Variants in KMT5B observed in about 807,000 individuals in gnomAD.
KMT5B encodes the protein lysine methyltransferase 5B.
A neutral mutation model predicts 83.2 loss-of-function variants in KMT5B; 10 were observed. That is an observed-to-expected ratio of 0.12 (90% CI 0.07 to 0.20). KMT5B has a LOEUF of 0.20. Among genes scored for constraint, KMT5B ranks in the 10% least tolerant of loss-of-function variants. The pLI, the probability that KMT5B is intolerant of heterozygous loss-of-function variation, is 1.00. For synonymous variants in KMT5B, 349 were observed against 388.8 expected (o/e 0.90, Z 1.20); for missense variants, 753 against 1,067.2 (o/e 0.71, Z 4.10).
At chr11:68,184,271 C>CT (rs1013940787) in intron 3 of KMT5B, among the ~76,000 whole-genome samples, 7 of 151,930 alleles carry the variant, frequency 4.6e-5, no homozygotes, top group Non-Finnish European at 1.0e-4. Flanking sequence ...ACTTGGGAAA[C>CT]TGAGGCAGAA....
intron 3 of KMT5B, among the ~76,000 whole-genome samples, chr11:68,182,734 A>AT (rs1857057981): frequency 2.7e-5 from 4 of 149,166 alleles, no homozygotes; most frequent in Admixed American, 2.7e-4. Context: ...CTTTCATTGT[A>AT]ATTTTTTTTT....
chr11:68,180,164 T>C lies in KMT5B; in HGVS notation c.345A>G (p.Lys115=). Residue 115 remains lysine, a synonymous_variant, in exon 4 of 11, where the codon AAA becomes AAG. Transcript: ENST00000304363. Reference sequence around the variant, plus strand: ...GGTTGTTGTGAGAAAAACTGTCAGATTTTGAAAAATGCCTTGAGCTCCTCG... The same window carrying C: ...GGTTGTTGTGAGAAAAACTGTCAGACTTTGAAAAATGCCTTGAGCTCCTCG... The part of the protein sequence containing the change: ...FPSRSSRHFS[K]SDSFSHNNPV... 6.3e-7 allele frequency: 1 copy of C among 1,578,904 alleles called. No homozygotes were observed. Among genetic ancestry groups the C allele is most frequent in the South Asian group, 1.1e-5 (1 of 88,292 alleles).
chr11:68,188,414 G>A (rs781040100), intron 2 of KMT5B, among the ~76,000 whole-genome samples: 2 of 149,380 alleles, frequency 1.3e-5, no homozygotes, highest in Non-Finnish European at 3.0e-5. Flanking sequence ...GTGTGATCTC[G>A]GCTCACTGCA....
rs1214922494 is a variant in KMT5B at position 68,158,108 on chromosome 11, C to T, written c.2238G>A (p.Lys746=). 6.2e-7 allele frequency: 1 copy of T among 1,614,088 alleles called. No homozygotes were observed. The change falls in exon 11 of 11, where the codon AAG becomes AAA. Residue 746 remains lysine, a synonymous_variant. Coordinates refer to ENST00000304363, the MANE Select transcript of KMT5B (RefSeq NM_017635.5). The part of the protein sequence containing the change: ...DGMNSSKISI[K]LSKDHDNDNN... ...TATCGTTGTCATGGTCTTTGCTTAACTTGATGCTTATTTTGGAAGAGTTCA... is the reference window on the plus strand; with the variant it reads ...TATCGTTGTCATGGTCTTTGCTTAATTTGATGCTTATTTTGGAAGAGTTCA...
At chr11:68,180,233 A>T in intron 3 of KMT5B, 33 bp from the exon 4 acceptor site, 1 of 1,546,336 alleles carries the variant, frequency 6.5e-7, no homozygotes, top group Non-Finnish European at 8.8e-7. Flanking sequence ...AACAAAAATA[A>T]AAAGCTATTT....
intron 3 of KMT5B, among the ~76,000 whole-genome samples, chr11:68,184,088 T>C (rs534894345): frequency 1.3e-5 from 2 of 152,196 alleles, no homozygotes; most frequent in Admixed American, 6.5e-5. Context: ...GAAAATTTTA[T>C]GGTCAGACAT....
intron 4 of KMT5B, chr11:68,176,700 G>T (rs186488061): frequency 6.6e-6 from 1 of 152,258 alleles, no homozygotes; most frequent in East Asian, 1.9e-4. Context: ...CAGGGGAATT[G>T]CTTGAACTCG....
intron 1 of KMT5B, among the ~76,000 whole-genome samples, chr11:68,203,297 A>C (rs1011090551): frequency 3.3e-5 from 5 of 152,220 alleles, no homozygotes; most frequent in Admixed American, 1.3e-4. Context: ...TATCATTAGA[A>C]TCCAGCACAA....
chr11:68,174,896 C>T (rs527308281), intron 5 of KMT5B, 122 bp downstream of exon 5: 1 of 930,096 alleles, frequency 1.1e-6, no homozygotes, highest in East Asian at 2.7e-5. Context: ...ACAAGATCTT[C>T]AGACTGATTA....
intron 10 of KMT5B, among the ~76,000 whole-genome samples, chr11:68,163,694 C>T (rs1260953612): frequency 6.6e-6 from 1 of 151,834 alleles, no homozygotes; most frequent in African/African-American, 2.4e-5. Context: ...TTAAAGACCT[C>T]GGTCTCAAGG....
chr11:68,174,620 T>C (rs1342573910), intron 5 of KMT5B, among the ~76,000 whole-genome samples: 1 of 152,112 alleles, frequency 6.6e-6, no homozygotes, highest in East Asian at 1.9e-4. Context: ...CCTCTAACTC[T>C]TGGGCACAAG....
chr11:68,181,365 G>A (rs913336286), intron 3 of KMT5B, among the ~76,000 whole-genome samples: 5 of 152,058 alleles, frequency 3.3e-5, no homozygotes, highest in South Asian at 2.1e-4. Flanking sequence ...GAGCCATCAC[G>A]CCCGGGCTAA....
intron 1 of KMT5B, 58 bp downstream of exon 1, chr11:68,213,080 C>G (rs1385684373): frequency 3.6e-5 from 5 of 137,876 alleles, no homozygotes; most frequent in African/African-American, 1.1e-4. Context: ...CTGCCCGCCC[C>G]GTCACCGAGG....
At chr11:68,203,553 C>G (rs770880286) in intron 1 of KMT5B, among the ~76,000 whole-genome samples, 42 of 152,202 alleles carry the variant, frequency 2.8e-4, no homozygotes, top group Non-Finnish European at 5.4e-4. Context: ...AAAAGAAGCC[C>G]TGCAAAGCTA....
Position 68,155,294 on chromosome 11 carries a change from T to C in KMT5B, c.*2394A>G, listed in dbSNP as rs1487630028. ...GGCCCCTACCTTTACCAACGGAAAT[T>C]AGGTTTCCCTAGAAGGCATCAACAG... On this transcript the variant is annotated 3_prime_UTR_variant, in exon 11 of 11. Coordinates refer to ENST00000304363, the MANE Select transcript of KMT5B (RefSeq NM_017635.5). 3 of 152,230 alleles carry C rather than the reference T, an allele frequency of 2.0e-5. No homozygotes were observed. In the East Asian group the frequency reaches 5.8e-4, roughly 29 times the overall value. 9.4% of individuals were successfully genotyped at this position (152,230 alleles called of 1,614,324 possible).
chr11:68,209,322 T>C (rs921611986), intron 1 of KMT5B, among the ~76,000 whole-genome samples: 1 of 152,180 alleles, frequency 6.6e-6, no homozygotes, highest in Non-Finnish European at 1.5e-5. Flanking sequence ...ATACTGGTCA[T>C]GTCCAGGGAA....
At chr11:68,184,603 G>A (rs1857258605) in intron 3 of KMT5B, among the ~76,000 whole-genome samples, 1 of 152,158 alleles carries the variant, frequency 6.6e-6, no homozygotes, top group African/African-American at 2.4e-5. Context: ...TGGGTATCAA[G>A]TTCCCCCAGG....
rs1565225712 is a variant in KMT5B at position 68,171,210 on chromosome 11, A to T, written c.840+22T>A. Reference sequence around the variant, plus strand: ...CCTGAAGCAAAAACAAAATACTTGAAGAAAATTTTTTTAATGCTTACCTTA... The same window carrying T: ...CCTGAAGCAAAAACAAAATACTTGATGAAAATTTTTTTAATGCTTACCTTA... On this transcript the variant is annotated intron_variant, in intron 8 of 10. Coordinates refer to ENST00000304363, the MANE Select transcript of KMT5B (RefSeq NM_017635.5). The surrounding 1 kb of genome is among the most constrained non-coding windows in gnomAD (Gnocchi z 5.1). The T allele has an allele frequency of 3.1e-6, 5 of 1,602,512 alleles. No individual in the cohort carries two copies. Among genetic ancestry groups the T allele is most frequent in the Non-Finnish European group, 3.4e-6 (4 of 1,177,552 alleles).
intron 9 of KMT5B, among the ~76,000 whole-genome samples, chr11:68,170,433 C>A (rs949343351): frequency 6.6e-6 from 1 of 152,116 alleles, no homozygotes; most frequent in Non-Finnish European, 1.5e-5. Flanking sequence ...GAGCCTGTGA[C>A]GCTCCCTTCA....
Sources: gnomAD v4.1 joint callset for allele counts (sites outside exome capture counted in the v4.1 genomes callset) on GRCh38, gnomAD v4.1.1 for gene constraint, Gnocchi (gnomAD v3.1) non-coding constraint, MANE v1.5 for transcripts, NCBI Gene and HGNC (gene_info 2026-07-23, HGNC 2026-07-21) for gene names.